Variants in AGBL3 observed in about 807,000 individuals in gnomAD.
AGBL3 encodes the protein cytosolic carboxypeptidase 3.
Under a neutral mutation model 94.5 loss-of-function variants are expected in AGBL3, and 68 were observed. That is an observed-to-expected ratio of 0.72 (90% CI 0.59 to 0.88). AGBL3 has a LOEUF of 0.88. Among genes scored for constraint, AGBL3 ranks in the 40% least tolerant of loss-of-function variants. The pLI is 0.00. For missense variants in AGBL3, 934 were observed against 1,103.8 expected, an observed-to-expected ratio of 0.85 and a Z score of 2.18; for synonymous variants, 354 against 370.7, an observed-to-expected ratio of 0.95 and a Z score of 0.52.
rs551042259 is a variant in AGBL3 at position 134,995,553 on chromosome 7, C to T, written c.310+1875C>T. 2.0e-5 allele frequency: 3 copies of T among 152,276 alleles called. No homozygotes were observed. The East Asian group carries it at 5.8e-4, about 29-fold the overall frequency. 9.4% of individuals were successfully genotyped at this position (152,276 alleles called of 1,614,324 possible). A position where few individuals can be genotyped will look rare whatever the true frequency, so the allele number is the denominator to read the frequency against. On this transcript the variant is annotated intron_variant, in intron 4 of 16. Coordinates refer to ENST00000436302, the MANE Select transcript of AGBL3 (RefSeq NM_178563.4). ...AGATGTGGGCAGCTGTGTTTCTGGC[C>T]TCTTCTATTGAAATTCTAAATATAG...
chr7:134,993,617 A>C lies in AGBL3; in HGVS notation c.249A>C (p.Pro83=). 1 of 1,552,210 alleles carries C rather than the reference A, an allele frequency of 6.4e-7. No individual in the cohort carries two copies. The highest frequency in any genetic ancestry group is 8.7e-7 in the Non-Finnish European group (1 of 1,147,060). The part of the protein sequence containing the change: ...RDLYGVSSSG[P]LSPTRWPYHC... ...TATATGGTGTCTCTTCTTCTGGTCC[A>C]TTGAGCCCAACACGGTGGCCATACC... is the stretch of plus-strand genomic sequence containing the variant. Residue 83 remains proline (P), a synonymous_variant, in exon 4 of 17, where the codon CCA becomes CCC. Coordinates refer to ENST00000436302, the MANE Select transcript of AGBL3 (RefSeq NM_178563.4).
At chr7:135,017,224 A>AT in intron 5 of AGBL3, 65 bp downstream of exon 5, 1 of 1,196,518 alleles carries the variant, frequency 8.4e-7, no homozygotes, top group Non-Finnish European at 1.2e-6. Context: ...TCTCTTAATT[A>AT]TATTTGTTTT....
chr7:135,069,318 A>G (rs1056178183), intron 12 of AGBL3, among the ~76,000 whole-genome samples: 2 of 152,238 alleles, frequency 1.3e-5, no homozygotes, highest in African/African-American at 4.8e-5. Context: ...CAGATCAACA[A>G]GACAGAAAGT....
At chr7:135,038,444 C>T (rs1816518629) in intron 8 of AGBL3, among the ~76,000 whole-genome samples, 1 of 152,164 alleles carries the variant, frequency 6.6e-6, no homozygotes, top group Non-Finnish European at 1.5e-5. Flanking sequence ...GTTTATTACT[C>T]CTATAAAATA....
At chr7:135,106,815 T>A (rs934013023) in intron 15 of AGBL3, among the ~76,000 whole-genome samples, 3 of 152,188 alleles carry the variant, frequency 2.0e-5, no homozygotes, top group African/African-American at 7.2e-5. Context: ...TACATCTGAT[T>A]GAATTCAGCT....
intron 11 of AGBL3, among the ~76,000 whole-genome samples, chr7:135,047,023 G>A (rs1290588553): frequency 6.6e-6 from 1 of 151,962 alleles, no homozygotes; most frequent in Non-Finnish European, 1.5e-5. Context: ...CTGTAGAGCA[G>A]ATCTCTAGAG....
Position 135,107,527 on chromosome 7 carries a change from A to G in AGBL3, c.2111-7853A>G, listed in dbSNP as rs1013366087. Among the ~76,000 whole-genome samples the G allele has an allele frequency of 2.8e-4, 43 of 152,160 alleles. 1 individual carries two copies. Among genetic ancestry groups the G allele is most frequent in the African/African-American group, 9.4e-4 (39 of 41,438 alleles). On this transcript the variant is annotated intron_variant, in intron 15 of 16. Coordinates refer to ENST00000436302, the MANE Select transcript of AGBL3 (RefSeq NM_178563.4). ...GTTTCCCTGTAATTGCATGGTTTTGAGCAAATTTTTTAAATCTTGATTTCT... is the reference window on the plus strand; with the variant it reads ...GTTTCCCTGTAATTGCATGGTTTTGGGCAAATTTTTTAAATCTTGATTTCT...
intron 11 of AGBL3, among the ~76,000 whole-genome samples, chr7:135,050,793 G>A (rs1029304163): frequency 5.9e-5 from 9 of 151,814 alleles, no homozygotes; most frequent in African/African-American, 1.2e-4. Flanking sequence ...TTCAGTCTAC[G>A]TATTTCCTTA....
At chr7:135,030,974 T>C (rs1377620952) in intron 5 of AGBL3, among the ~76,000 whole-genome samples, 13 of 152,142 alleles carry the variant, frequency 8.5e-5, no homozygotes, top group Admixed American at 8.5e-4. Flanking sequence ...TCAGTTATTG[T>C]AGTTTTATTT....
intron 8 of AGBL3, 26 bp from the exon 9 acceptor site, chr7:135,043,999 T>G (rs1348593046): frequency 6.5e-7 from 1 of 1,540,656 alleles, no homozygotes. Flanking sequence ...GAACAACGAG[T>G]CTCATTTTTA....
At chr7:135,055,515 T>C (rs1428286189) in intron 11 of AGBL3, among the ~76,000 whole-genome samples, 1 of 120,474 alleles carries the variant, frequency 8.3e-6, no homozygotes, top group Non-Finnish European at 1.9e-5. Flanking sequence ...CAAAAATATA[T>C]TGATATAATT....
intron 15 of AGBL3, among the ~76,000 whole-genome samples, chr7:135,107,970 C>G (rs1477751107): frequency 6.6e-6 from 1 of 151,788 alleles, no homozygotes; most frequent in East Asian, 1.9e-4. Flanking sequence ...TATGTAATGT[C>G]TTTATCTTTT....
intron 12 of AGBL3, among the ~76,000 whole-genome samples, chr7:135,066,269 C>G (rs999017864): frequency 1.3e-5 from 2 of 152,032 alleles, no homozygotes; most frequent in African/African-American, 2.4e-5. Context: ...GGAACTCCTA[C>G]AACTTAATAG....
chr7:135,071,454 G>A (rs1819898846), intron 12 of AGBL3, among the ~76,000 whole-genome samples: 1 of 152,094 alleles, frequency 6.6e-6, no homozygotes, highest in Admixed American at 6.5e-5. Flanking sequence ...GCATTGCCAA[G>A]TCAATCCTAA....
At chr7:135,009,050 C>A (rs1358913075) in intron 4 of AGBL3, among the ~76,000 whole-genome samples, 1 of 152,188 alleles carries the variant, frequency 6.6e-6, no homozygotes, top group East Asian at 1.9e-4. Context: ...AATTGTGCAG[C>A]TACTTTGGAA....
chr7:135,025,751 A>C (rs1351506818), intron 5 of AGBL3, among the ~76,000 whole-genome samples: 2 of 151,636 alleles, frequency 1.3e-5, no homozygotes, highest in Non-Finnish European at 2.9e-5. Flanking sequence ...AGAAAGATCT[A>C]CCAGGCAAAC....
chr7:134,993,797 A>G, intron 4 of AGBL3, 119 bp downstream of exon 4: 1 of 832,364 alleles, frequency 1.2e-6, no homozygotes, highest in Non-Finnish European at 1.7e-6. Context: ...ATATAACATG[A>G]GCCACATAAT....
At chr7:135,072,749 C>T (rs564538602) in intron 12 of AGBL3, among the ~76,000 whole-genome samples, 21 of 131,744 alleles carry the variant, frequency 1.6e-4, no homozygotes, top group Admixed American at 5.3e-4. Flanking sequence ...GAACATCACA[C>T]ACCGGGGCTT....
At chr7:135,083,091 A>C (rs1353254866) in intron 15 of AGBL3, among the ~76,000 whole-genome samples, 1 of 152,102 alleles carries the variant, frequency 6.6e-6, no homozygotes, top group East Asian at 1.9e-4. Context: ...CCTCATATCC[A>C]GTCAGCCACT....
Sources: gnomAD v4.1 joint callset for allele counts (sites outside exome capture counted in the v4.1 genomes callset) on GRCh38, gnomAD v4.1.1 for gene constraint, MANE v1.5 for transcripts, NCBI Gene and HGNC (gene_info 2026-07-23, HGNC 2026-07-21) for gene names.